The following TET1 variants were observed in gnomAD, a reference collection of about 807,000 sequenced individuals.
TET1 encodes methylcytosine dioxygenase TET1.
TET1 carries 13 observed loss-of-function variants against 148.7 expected under a neutral mutation model. The observed-to-expected ratio is 0.09, with a 90% CI of 0.06 to 0.14. The LOEUF (loss-of-function observed/expected upper bound fraction) is 0.14. Among genes scored for constraint, TET1 ranks in the 10% least tolerant of loss-of-function variants. The pLI, the probability that TET1 is intolerant of heterozygous loss-of-function variation, is 1.00. For synonymous variants in TET1, 907 were observed against 937.2 expected (o/e 0.97, Z 0.59); for missense variants, 2,182 against 2,553.8 (o/e 0.85, Z 3.14).
intron 3 of TET1, chr10:68,632,669 T>G: frequency 6.2e-7 from 1 of 1,601,182 alleles, no homozygotes; most frequent in East Asian, 2.2e-5. Context: ...AAGAAGATAT[T>G]ATATGAAGGT....
chr10:68,600,420 T>C (rs950248011), intron 2 of TET1, among the ~76,000 whole-genome samples: 1 of 152,170 alleles, frequency 6.6e-6, no homozygotes, highest in Admixed American at 6.5e-5. Flanking sequence ...GCGAACTCCA[T>C]GTCGCAGCTT....
At chr10:68,595,029 G>A (rs1188944108) in intron 2 of TET1, among the ~76,000 whole-genome samples, 1 of 150,892 alleles carries the variant, frequency 6.6e-6, no homozygotes, top group Non-Finnish European at 1.5e-5. Context: ...GCTTGTTGTG[G>A]TAGCACATGC....
intron 2 of TET1, among the ~76,000 whole-genome samples, chr10:68,575,443 G>T (rs879916971): frequency 4.0e-5 from 6 of 150,820 alleles, no homozygotes; most frequent in Non-Finnish European, 8.8e-5. Context: ...GGGCATGGTG[G>T]TTTACACCTG....
rs150077421 is a variant in TET1, at chr10:68,594,478, G to A, written c.1915-6503G>A. ...CAGAACTGCTGGAAGGAATCCAGTA[G>A]ATCTGGCCCCTTGGGAGAGTGGGGG... On this transcript the variant is annotated intron_variant, in intron 2 of 11. Coordinates refer to ENST00000373644, the MANE Select transcript of TET1 (RefSeq NM_030625.3). 3.7e-3 allele frequency among the ~76,000 whole-genome samples: 558 copies of A among 152,274 alleles called. 2 individuals are homozygous for A. Among genetic ancestry groups the A allele is most frequent in the African/African-American group, 0.013 (541 of 41,546 alleles).
At chr10:68,613,990 A>G (rs1336059762) in intron 3 of TET1, among the ~76,000 whole-genome samples, 1 of 152,072 alleles carries the variant, frequency 6.6e-6, no homozygotes, top group Non-Finnish European at 1.5e-5. Flanking sequence ...ACCTTATTTG[A>G]AGGTTATTTG....
chr10:68,623,979 C>T (rs1408814930), intron 3 of TET1, among the ~76,000 whole-genome samples: 1 of 152,250 alleles, frequency 6.6e-6, no homozygotes, highest in African/African-American at 2.4e-5. Flanking sequence ...CTCCCCCAGA[C>T]ATTTCCATAT....
chr10:68,572,679 G>A lies in TET1; in HGVS notation c.341G>A (p.Arg114Gln), dbSNP rs772124361. Residue 114 changes from arginine to glutamine, a missense_variant, in exon 2 of 12, where the codon CGA becomes CAA. Around this residue, in one of 11 missense-constraint regions of TET1, gnomAD observed 665 missense variants for 672.4 expected, o/e 0.99. Coordinates refer to ENST00000373644, the MANE Select transcript of TET1 (RefSeq NM_030625.3). ...MALRSTSLSR[R>Q]LSQPPLVVAK... ...CTACGAAGCACCTCTCTTAGCAGGC[G>A]ACTCTCCCAACCCCCACTGGTCGTA... The A allele has an allele frequency of 7.4e-6, 12 of 1,613,980 alleles. No homozygotes were observed. In the African/African-American group the frequency reaches 1.2e-4, roughly 16 times the overall value.
At chr10:68,670,793 G>A (rs193226866) in intron 7 of TET1, among the ~76,000 whole-genome samples, 9 of 152,174 alleles carry the variant, frequency 5.9e-5, no homozygotes, top group East Asian at 5.8e-4. Flanking sequence ...TCTTTTATAA[G>A]CAATGCTAAG....
intron 6 of TET1, among the ~76,000 whole-genome samples, chr10:68,652,998 G>A (rs1465264814): frequency 1.3e-5 from 2 of 151,312 alleles, no homozygotes; most frequent in African/African-American, 4.9e-5. Flanking sequence ...GATGAAAGTT[G>A]CAAATATATT....
chr10:68,629,453 TATA>T (rs774358181), intron 3 of TET1, among the ~76,000 whole-genome samples: 48 of 152,186 alleles, frequency 3.2e-4, no homozygotes, highest in Non-Finnish European at 5.3e-4. Flanking sequence ...ATCTATGAAA[TATA>T]ATCAGATATT....
In TET1 at chr10:68,573,315, T is replaced by C. The variant is rs1426715333; in HGVS notation, c.977T>C (p.Val326Ala). 4 of 1,614,116 alleles carry C rather than the reference T, an allele frequency of 2.5e-6. 1 individual carries two copies. The South Asian group carries it at 4.4e-5, about 18-fold the overall frequency. Residue 326 changes from valine (V) to alanine (A), a missense_variant, in exon 2 of 12, where the codon GTA (valine) becomes GCA (alanine). Val to Ala is a moderately conservative substitution (Grantham distance 64). Coordinates refer to ENST00000373644, the MANE Select transcript of TET1 (RefSeq NM_030625.3). Reference sequence around the variant, plus strand: ...GGTGGGTCTACGTCTCCTACCTCTGTAATAAAATTCCTCTTGGCAGGCTCA... The same window carrying C: ...GGTGGGTCTACGTCTCCTACCTCTGCAATAAAATTCCTCTTGGCAGGCTCA... ...ALGGSTSPTSVIKFLLAGSKQ... is the reference protein window; with the variant it reads ...ALGGSTSPTSAIKFLLAGSKQ...
chr10:68,585,669 G>C (rs766858566), intron 2 of TET1, among the ~76,000 whole-genome samples: 1 of 152,068 alleles, frequency 6.6e-6, no homozygotes, highest in African/African-American at 2.4e-5. Context: ...GAAATCATAT[G>C]TCCACTCCCT....
chr10:68,571,315 A>G (rs2053667336), intron 1 of TET1, among the ~76,000 whole-genome samples: 1 of 124,078 alleles, frequency 8.1e-6, no homozygotes, highest in South Asian at 2.5e-4. Context: ...ATTTCATTTT[A>G]TTTTTTGAGA....
At chr10:68,588,928 C>G (rs10998310) in intron 2 of TET1, among the ~76,000 whole-genome samples, 44,964 of 151,348 alleles carry the variant, frequency 0.3, 7,807 homozygotes, top group Middle Eastern at 0.43. Flanking sequence ...TTGAGACAAG[C>G]CTGGGTAACA....
intron 9 of TET1, 95 bp downstream of exon 9, chr10:68,681,583 T>C: frequency 2.7e-6 from 2 of 736,174 alleles, no homozygotes; most frequent in South Asian, 1.9e-5. Flanking sequence ...GATCAAAGCT[T>C]ACTACAAACT....
At position 68,645,188 on chromosome 10, in the gene TET1, G is replaced by T; in HGVS notation, c.2459G>T (p.Ser820Ile). Reference sequence around the variant, plus strand: ...AGTTGTGATCATCTCAAGGGGAGAAGTAACGTTTTAGTATTCCAGCAGCCT... The same window carrying T: ...AGTTGTGATCATCTCAAGGGGAGAATTAACGTTTTAGTATTCCAGCAGCCT... The part of the protein sequence containing the change: ...DMSCDHLKGR[S>I]NVLVFQQPGF... The change falls in exon 4 of 12, where the codon AGT becomes ATT. Residue 820 changes from serine (S) to isoleucine (I), a missense_variant. Transcript: ENST00000373644. 2 of 1,614,130 alleles carry T rather than the reference G, an allele frequency of 1.2e-6. No homozygotes were observed. The highest frequency in any genetic ancestry group is 1.7e-6 in the Non-Finnish European group (2 of 1,179,986).
intron 3 of TET1, among the ~76,000 whole-genome samples, chr10:68,609,269 C>G (rs534786551): frequency 6.6e-5 from 10 of 152,242 alleles, no homozygotes; most frequent in Non-Finnish European, 1.5e-4. Flanking sequence ...TCAAGTGATT[C>G]TCCTGCCTCA....
intron 2 of TET1, among the ~76,000 whole-genome samples, chr10:68,575,909 G>T (rs1156397518): frequency 6.7e-6 from 1 of 148,946 alleles, no homozygotes; most frequent in East Asian, 2.0e-4. Flanking sequence ...AGTTCCAGCT[G>T]CTGGGGAGGC....
At chr10:68,629,398 G>T (rs1243156091) in intron 3 of TET1, among the ~76,000 whole-genome samples, 1 of 151,522 alleles carries the variant, frequency 6.6e-6, no homozygotes, top group Non-Finnish European at 1.5e-5. Flanking sequence ...TAAAAATGTA[G>T]CATCAAATTG....
Sources: allele counts gnomAD v4.1 joint callset (sites outside exome capture counted in the v4.1 genomes callset), GRCh38; gene constraint gnomAD v4.1.1; regional missense constraint gnomAD v4.1.1; transcripts MANE v1.5; gene names NCBI Gene and HGNC (gene_info 2026-07-23, HGNC 2026-07-21).